BBOF1: variants seen among roughly 807,000 people sequenced by gnomAD.
The protein encoded by BBOF1 is basal body orientation factor 1.
Under a neutral mutation model 68.0 loss-of-function variants are expected in BBOF1, and 62 were observed. The ratio of observed to expected loss-of-function variants is 0.91; its 90% CI spans 0.74 to 1.13. The LOEUF (loss-of-function observed/expected upper bound fraction) is 1.13. Among genes scored for constraint, BBOF1 ranks in the 50% most tolerant of loss-of-function variants. The probability of loss-of-function intolerance (pLI) is 0.00; values close to 1 mark genes in which losing one functional copy is unlikely to be tolerated. For synonymous variants in BBOF1, 208 were observed against 198.8 expected (o/e 1.05, Z -0.39); for missense variants, 534 against 600.1 (o/e 0.89, Z 1.15).
At position 74,065,281 on chromosome 14, in the gene BBOF1, A is replaced by T. The variant is rs1172766971; in HGVS notation, c.*582A>T. 3 of 1,614,030 alleles carry T rather than the reference A, an allele frequency of 1.9e-6. No homozygotes were observed. In the African/African-American group the frequency reaches 4.0e-5, roughly 22 times the overall value. ...ATATGGGTTGTTATTTACAATCTGGATGGCTTCATCCAATGTTTCTGTCTC... is the reference window on the plus strand; with the variant it reads ...ATATGGGTTGTTATTTACAATCTGGTTGGCTTCATCCAATGTTTCTGTCTC... On this transcript the variant is annotated 3_prime_UTR_variant, in exon 12 of 12. Coordinates refer to ENST00000394009, the MANE Select transcript of BBOF1 (RefSeq NM_025057.3).
In BBOF1 at chr14:74,050,194, T is replaced by C; in HGVS notation, c.1285T>C (p.Trp429Arg). Reference protein sequence around the residue: ...VNQDLLEAEKWTHIEGNVDIG... With the variant: ...VNQDLLEAEKRTHIEGNVDIG... ...TCAGGATCTTCTGGAGGCCGAAAAA[T>C]GGTACTAGCAATACTTTATTATTAT... The change falls in exon 8 of 12, where the codon TGG becomes CGG. Residue 429 changes from tryptophan (W) to arginine (R), a missense_variant and splice_region_variant. By Grantham distance (101) the Trp-to-Arg change is moderately radical. Transcript: ENST00000394009. 6.5e-7 allele frequency: 1 copy of C among 1,534,194 alleles called. No individual in the cohort carries two copies. The highest frequency in any genetic ancestry group is 1.4e-5 in the African/African-American group (1 of 72,340).
rs1349868578 is a variant in BBOF1, at chr14:74,057,934, A to C, written c.1578+676A>C. On this transcript the variant is annotated intron_variant, in intron 11 of 11. Coordinates refer to ENST00000394009, the MANE Select transcript of BBOF1 (RefSeq NM_025057.3). ...AAGTGATTTCCCTTAAATATAAGGA[A>C]AATGTTAGGAATCTCTGTGACTACA... The C allele has an allele frequency of 5.1e-6, 5 of 981,064 alleles. No individual in the cohort carries two copies. In the African/African-American group the frequency reaches 8.8e-5, roughly 17 times the overall value. The allele number at this position is 981,064 out of a possible 1,614,324, so 60.8% of individuals were successfully genotyped here.
intron 11 of BBOF1, among the ~76,000 whole-genome samples, chr14:74,063,800 A>G (rs2060401453): frequency 6.7e-6 from 1 of 150,122 alleles, no homozygotes. Context: ...TGGGAGGCGG[A>G]GGTTGCAGTG....
intron 9 of BBOF1, chr14:74,072,725 G>A (rs1430604950): frequency 1.4e-5 from 16 of 1,152,124 alleles, no homozygotes; most frequent in Admixed American, 6.0e-5. Flanking sequence ...AGTTGATAAC[G>A]GAATCTTCTG....
chr14:74,028,852 G>A (rs2059499262), intron 2 of BBOF1, among the ~76,000 whole-genome samples: 1 of 151,962 alleles, frequency 6.6e-6, no homozygotes, highest in South Asian at 2.1e-4. Context: ...GGGATTACAG[G>A]CATGTGCCAC....
At chr14:74,031,402 C>T in intron 3 of BBOF1, among the ~76,000 whole-genome samples, 1 of 152,130 alleles carries the variant, frequency 6.6e-6, no homozygotes, top group African/African-American at 2.4e-5. Context: ...TGTAGGCCAC[C>T]ACGCCTGGCA....
At chr14:74,068,741 A>G (rs2060507440), downstream of BBOF1, 22 of 1,283,540 alleles carry the variant, frequency 1.7e-5, 1 homozygote, top group South Asian at 2.7e-4. Context: ...CTCTGTCTCA[A>G]AAAAAAGAAA....
intron 4 of BBOF1, among the ~76,000 whole-genome samples, chr14:74,036,174 G>C (rs72627149): frequency 0.14 from 20,773 of 151,908 alleles, 1,996 homozygotes; most frequent in East Asian, 0.57. Context: ...TGGTGCCTCA[G>C]CCTCCCAAGT....
intron 11 of BBOF1, chr14:74,060,227 TG>T (rs2060309916): frequency 5.9e-6 from 1 of 168,704 alleles, no homozygotes; most frequent in Admixed American, 5.7e-5. Flanking sequence ...CTTCAACTCC[TG>T]GGCTCAAGCA....
At position 74,054,410 on chromosome 14, in the gene BBOF1, G is replaced by A. The variant is rs148853820; in HGVS notation, c.1287-1174G>A. On this transcript the variant is annotated intron_variant, in intron 8 of 11. Coordinates refer to ENST00000394009, the MANE Select transcript of BBOF1 (RefSeq NM_025057.3). ...GTTTTTTTTTTTGAGTCGGAGTCTC[G>A]CTCTGTTGCCAAGGCTGGAGTGCAG... is the stretch of plus-strand genomic sequence containing the variant. Among the ~76,000 whole-genome samples the A allele has an allele frequency of 5.9e-3, 878 of 149,212 alleles. 2 individuals are homozygous for A. The highest frequency in any genetic ancestry group is 0.01 in the Non-Finnish European group (708 of 67,528).
chr14:74,057,780 C>G (rs569593728), intron 11 of BBOF1: 24 of 1,083,822 alleles, frequency 2.2e-5, no homozygotes, highest in Non-Finnish European at 2.6e-5. Flanking sequence ...ACTTTTTAGC[C>G]GCGATCACAT....
rs1330654814 is a variant in BBOF1 at position 74,019,375 on chromosome 14, G to C, written c.-104G>C. On this transcript the variant is annotated 5_prime_UTR_variant, in exon 1 of 12. Transcript: ENST00000394009. Reference sequence around the variant, plus strand: ...CTCTCCGCGCGCCGTCAGCGGCGCGGGTGGGGCATTGCCAGCTCGGCGTCC... The same window carrying C: ...CTCTCCGCGCGCCGTCAGCGGCGCGCGTGGGGCATTGCCAGCTCGGCGTCC... 7.0e-7 allele frequency: 1 copy of C among 1,421,492 alleles called. No homozygotes were observed. Among genetic ancestry groups the C allele is most frequent in the African/African-American group, 1.5e-5 (1 of 66,580 alleles). 88.1% of individuals were successfully genotyped at this position (1,421,492 alleles called of 1,614,324 possible).
In BBOF1 at chr14:74,050,087, T is replaced by C; in HGVS notation, c.1178T>C (p.Met393Thr). 1 of 1,614,030 alleles carries C rather than the reference T, an allele frequency of 6.2e-7. No homozygotes were observed. Among genetic ancestry groups the C allele is most frequent in the Non-Finnish European group, 8.5e-7 (1 of 1,179,960 alleles). ...QIAQAAFNLK[M>T]RAACTGRTEY... ...GCACAAGCTGCTTTCAATTTAAAAA[T>C]GAGAGCAGCATGTACAGGAAGAACA... Residue 393 changes from methionine to threonine, a missense_variant, in exon 8 of 12, where the codon ATG becomes ACG. Physicochemically the swap from Met to Thr is moderately conservative, Grantham distance 81. Transcript: ENST00000394009.
chr14:74,073,917 CAAAA>C (rs5809643), intron 9 of BBOF1, among the ~76,000 whole-genome samples: 2 of 77,012 alleles, frequency 2.6e-5, no homozygotes, highest in Non-Finnish European at 2.6e-5. Flanking sequence ...GACTCCATCT[CAAAA>C]AAAAAAAAAA....
chr14:74,055,626 G>T lies in BBOF1; in HGVS notation c.1329G>T (p.Trp443Cys). The change falls in exon 9 of 12, where the codon TGG becomes TGT. Residue 443 changes from tryptophan to cysteine, a missense_variant. By Grantham distance (215) the Trp-to-Cys change is radical. Transcript: ENST00000394009. ...ATGTGGATATTGGAGATTTGACCTG[G>T]GAGCAGAAGGAAAAAGTATTGCGAT... is the stretch of plus-strand genomic sequence containing the variant. ...EGNVDIGDLT[W>C]EQKEKVLRLL... 1 of 1,613,850 alleles carries T rather than the reference G, an allele frequency of 6.2e-7. No homozygotes were observed. The highest frequency in any genetic ancestry group is 1.1e-5 in the South Asian group (1 of 91,064).
At chr14:74,057,611 C>A in intron 11 of BBOF1, 1 of 1,338,738 alleles carries the variant, frequency 7.5e-7, no homozygotes, top group South Asian at 1.3e-5. Context: ...TCATTACAAC[C>A]TAGAGGACAA....
At chr14:74,027,033 G>A (rs1212766486) in intron 2 of BBOF1, among the ~76,000 whole-genome samples, 1 of 150,820 alleles carries the variant, frequency 6.6e-6, no homozygotes, top group Non-Finnish European at 1.5e-5. Flanking sequence ...ATCCACGAGT[G>A]TGTACTACTA....
At chr14:74,020,182 T>C (rs2059236861) in intron 1 of BBOF1, among the ~76,000 whole-genome samples, 1 of 152,238 alleles carries the variant, frequency 6.6e-6, no homozygotes, top group Admixed American at 6.5e-5. Context: ...GATAGCCCAA[T>C]GTACATACTT....
At chr14:74,079,984 G>T (rs1415890329) in intron 10 of BBOF1, among the ~76,000 whole-genome samples, 1 of 152,158 alleles carries the variant, frequency 6.6e-6, no homozygotes. Flanking sequence ...GCTACAGTGA[G>T]CTGCGATTGT....
Sources: gnomAD v4.1 joint callset for allele counts (sites outside exome capture counted in the v4.1 genomes callset) on GRCh38, gnomAD v4.1.1 for gene constraint, MANE v1.5 for transcripts, NCBI Gene and HGNC (gene_info 2026-07-23, HGNC 2026-07-21) for gene names.